Variants in VWA3B observed in about 807,000 individuals in gnomAD.
The protein encoded by VWA3B is von Willebrand factor A domain containing 3B, also known as von Willebrand factor A domain-containing protein 3B.
VWA3B carries 138 observed loss-of-function variants against 158.3 expected under a neutral mutation model. That is an observed-to-expected ratio of 0.87 (90% CI 0.76 to 1.00). The LOEUF is 1.00. VWA3B is among the 50% of genes least tolerant of loss of function. The pLI, the probability that VWA3B is intolerant of heterozygous loss-of-function variation, is 0.00. For missense variants in VWA3B, 1,555 were observed against 1,565.1 expected, an observed-to-expected ratio of 0.99 and a Z score of 0.11; for synonymous variants, 596 against 587.3, an observed-to-expected ratio of 1.01 and a Z score of -0.21.
intron 6 of VWA3B, among the ~76,000 whole-genome samples, chr2:98,130,840 T>C (rs1675809381): frequency 6.6e-6 from 1 of 152,360 alleles, no homozygotes; most frequent in East Asian, 1.9e-4. Context: ...CAGGCCCATG[T>C]GATATTCTGT....
intron 13 of VWA3B, among the ~76,000 whole-genome samples, chr2:98,215,639 T>C (rs1374804565): frequency 1.4e-5 from 2 of 148,134 alleles, no homozygotes; most frequent in South Asian, 2.2e-4. Context: ...TGCCTCAGCC[T>C]CCCCAGCAGC....
intron 12 of VWA3B, among the ~76,000 whole-genome samples, chr2:98,211,041 AACT>A (rs1178335250): frequency 2.6e-5 from 4 of 152,196 alleles, no homozygotes; most frequent in African/African-American, 9.6e-5. Flanking sequence ...TCTGCAGTGG[AACT>A]GCAGCGGGGC....
At chr2:98,117,312 T>A (rs1315464406) in intron 3 of VWA3B, among the ~76,000 whole-genome samples, 1 of 152,116 alleles carries the variant, frequency 6.6e-6, no homozygotes, top group Admixed American at 6.6e-5. Flanking sequence ...CCCTTGAGGG[T>A]TTGACTGTGG....
intron 26 of VWA3B, among the ~76,000 whole-genome samples, chr2:98,306,368 T>C (rs994488141): frequency 1.3e-5 from 2 of 152,170 alleles, no homozygotes; most frequent in Non-Finnish European, 1.5e-5. Context: ...CAATGACTAT[T>C]TGAAGAACAA....
chr2:98,098,317 C>A (rs1269921606), intron 2 of VWA3B, among the ~76,000 whole-genome samples: 1 of 152,046 alleles, frequency 6.6e-6, no homozygotes, highest in Non-Finnish European at 1.5e-5. Flanking sequence ...TACTGAAGTC[C>A]TCTGCTATTA....
chr2:98,320,732 A>G, the VWA3B span, among the ~76,000 whole-genome samples: 21 of 152,214 alleles, frequency 1.4e-4, no homozygotes, highest in Non-Finnish European at 2.5e-4. Context: ...CTGGTGGAAG[A>G]AATTTCTAAG....
At chr2:98,123,551 G>A (rs1252778317) in intron 5 of VWA3B, among the ~76,000 whole-genome samples, 1 of 152,242 alleles carries the variant, frequency 6.6e-6, no homozygotes, top group Non-Finnish European at 1.5e-5. Flanking sequence ...CACATGCAGA[G>A]TGGGAGGTCT....
chr2:98,123,512 C>T (rs187071419), intron 5 of VWA3B, among the ~76,000 whole-genome samples: 2 of 152,276 alleles, frequency 1.3e-5, no homozygotes, highest in Admixed American at 6.5e-5. Flanking sequence ...CAGGAAGCAA[C>T]GAGAGAGAGC....
chr2:98,088,556 A>G (rs190223174), intron 1 of VWA3B, among the ~76,000 whole-genome samples: 4 of 152,270 alleles, frequency 2.6e-5, no homozygotes, highest in African/African-American at 9.6e-5. Context: ...CTTCTAAGGA[A>G]ATACTTTCCT....
At chr2:98,118,466 T>C (rs1674699281) in intron 3 of VWA3B, among the ~76,000 whole-genome samples, 1 of 152,208 alleles carries the variant, frequency 6.6e-6, no homozygotes, top group Non-Finnish European at 1.5e-5. Flanking sequence ...TAAGAATCCC[T>C]AAGCCTAGCT....
downstream of VWA3B, among the ~76,000 whole-genome samples, chr2:98,314,311 A>G (rs577268679): frequency 4.0e-4 from 61 of 151,884 alleles, no homozygotes; most frequent in Admixed American, 7.2e-4. Flanking sequence ...TCAGCTAATA[A>G]GTGCATGGCT....
At chr2:98,179,531 G>A (rs1295709677) in intron 8 of VWA3B, among the ~76,000 whole-genome samples, 4 of 152,104 alleles carry the variant, frequency 2.6e-5, no homozygotes, top group Non-Finnish European at 5.9e-5. Context: ...GGTAACAAAG[G>A]GGCTTCAGGG....
At chr2:98,153,666 T>C (rs1161867697) in intron 7 of VWA3B, among the ~76,000 whole-genome samples, 1 of 152,224 alleles carries the variant, frequency 6.6e-6, no homozygotes, top group African/African-American at 2.4e-5. Flanking sequence ...TTGGTGCCTG[T>C]TTATGGCTTA....
At chr2:98,236,286 T>C in intron 17 of VWA3B, 104 bp from the exon 18 acceptor site, 1 of 1,224,518 alleles carries the variant, frequency 8.2e-7, no homozygotes, top group Non-Finnish European at 1.2e-6. Context: ...GGTCCATTTA[T>C]TAGCTCTCAG....
At chr2:98,174,805 G>A (rs1417386375) in intron 8 of VWA3B, among the ~76,000 whole-genome samples, 1 of 152,182 alleles carries the variant, frequency 6.6e-6, no homozygotes, top group African/African-American at 2.4e-5. Flanking sequence ...CAAGCAGGAA[G>A]TAAAGGCTGA....
At chr2:98,106,820 A>C (rs1045022866) in intron 2 of VWA3B, among the ~76,000 whole-genome samples, 20 of 151,980 alleles carry the variant, frequency 1.3e-4, no homozygotes, top group African/African-American at 2.7e-4. Context: ...GAAAAGTCTT[A>C]TTTCTTTCTT....
chr2:98,111,867 T>G (rs1398250663), intron 2 of VWA3B, among the ~76,000 whole-genome samples: 2 of 152,218 alleles, frequency 1.3e-5, no homozygotes, highest in Non-Finnish European at 2.9e-5. Flanking sequence ...CTTTATAAGT[T>G]GTCTGCTTAC....
At chr2:98,155,589 T>A (rs1677998128) in intron 7 of VWA3B, among the ~76,000 whole-genome samples, 1 of 152,200 alleles carries the variant, frequency 6.6e-6, no homozygotes, top group African/African-American at 2.4e-5. Flanking sequence ...GTGTTTAAGT[T>A]CCCAGCACGG....
intron 9 of VWA3B, among the ~76,000 whole-genome samples, chr2:98,182,342 T>C (rs1343229265): frequency 6.6e-6 from 1 of 152,156 alleles, no homozygotes; most frequent in African/African-American, 2.4e-5. Flanking sequence ...ATGCCCTCCA[T>C]GGAAAGGGCA....
Sources: allele counts gnomAD v4.1 joint callset (sites outside exome capture counted in the v4.1 genomes callset), GRCh38; gene constraint gnomAD v4.1.1; transcripts MANE v1.5; gene names NCBI Gene and HGNC (gene_info 2026-07-23, HGNC 2026-07-21).